The following PPIL4 variants were observed in gnomAD, a reference collection of about 807,000 sequenced individuals.
PPIL4 encodes the protein peptidylprolyl isomerase like 4.
Under a neutral mutation model 69.1 loss-of-function variants are expected in PPIL4, and 50 were observed. The observed-to-expected ratio is 0.72, with a 90% confidence interval of 0.58 to 0.92. The LOEUF is 0.92. Among genes scored for constraint, PPIL4 ranks in the 40% least tolerant of loss-of-function variants. The probability of loss-of-function intolerance (pLI) is 0.00; values close to 1 mark genes in which losing one functional copy is unlikely to be tolerated. For synonymous variants in PPIL4, 193 were observed against 191.6 expected (o/e 1.01, Z -0.06); for missense variants, 480 against 587.9 (o/e 0.82, Z 1.90).
chr6:149,534,419 C>T (rs1280536405), intron 6 of PPIL4, among the ~76,000 whole-genome samples: 1 of 152,154 alleles, frequency 6.6e-6, no homozygotes, highest in Non-Finnish European at 1.5e-5. Flanking sequence ...AAGAAAAACA[C>T]TTTCCCAAGG....
At chr6:149,531,664 T>C (rs925981793) in intron 7 of PPIL4, among the ~76,000 whole-genome samples, 4 of 152,058 alleles carry the variant, frequency 2.6e-5, no homozygotes, top group Non-Finnish European at 5.9e-5. Context: ...GAATATAAAC[T>C]GTAATTTCTT....
chr6:149,537,702 T>C (rs1023122135), intron 4 of PPIL4, among the ~76,000 whole-genome samples: 1 of 147,634 alleles, frequency 6.8e-6, no homozygotes, highest in Non-Finnish European at 1.5e-5. Context: ...CAAGACTCCA[T>C]CTCAAAAAAA....
intron 11 of PPIL4, among the ~76,000 whole-genome samples, chr6:149,514,298 G>A (rs753199375): frequency 2.6e-5 from 4 of 152,092 alleles, no homozygotes; most frequent in Non-Finnish European, 5.9e-5. Flanking sequence ...TCATCCTAAT[G>A]TGTGCTCTGC....
intron 8 of PPIL4, 96 bp from the exon 9 acceptor site, chr6:149,525,305 C>A: frequency 1.6e-6 from 1 of 621,312 alleles, no homozygotes; most frequent in Non-Finnish European, 2.9e-6. Flanking sequence ...AAGTCAGTTA[C>A]TACAAGGCAA....
At chr6:149,539,747 C>T (rs1030995797) in intron 4 of PPIL4, among the ~76,000 whole-genome samples, 8 of 152,278 alleles carry the variant, frequency 5.3e-5, no homozygotes, top group Non-Finnish European at 8.8e-5. Flanking sequence ...GATTAGTCAA[C>T]GGCCATCAAC....
At chr6:149,525,387 A>G (rs1297488273) in intron 8 of PPIL4, among the ~76,000 whole-genome samples, 178 bp from the exon 9 acceptor site, 2 of 152,232 alleles carry the variant, frequency 1.3e-5, no homozygotes, top group South Asian at 2.1e-4. Context: ...TCACCAGAGC[A>G]GTAACTAAAT....
chr6:149,541,835 C>T (rs1436477212), intron 1 of PPIL4, among the ~76,000 whole-genome samples: 1 of 151,910 alleles, frequency 6.6e-6, no homozygotes, highest in East Asian at 1.9e-4. Context: ...TATGGTGAAA[C>T]CCTGTCTCAA....
chr6:149,543,034 A>T (rs1319623024), intron 1 of PPIL4, among the ~76,000 whole-genome samples: 1 of 152,130 alleles, frequency 6.6e-6, no homozygotes, highest in Non-Finnish European at 1.5e-5. Flanking sequence ...AAAAATAATG[A>T]ATTTAGGCAA....
chr6:149,540,324 T>C (rs74495136), intron 4 of PPIL4, among the ~76,000 whole-genome samples: 5,049 of 151,376 alleles, frequency 0.033, 301 homozygotes, highest in African/African-American at 0.11. Context: ...AAGTAAGAAA[T>C]ACTGAAAAAC....
chr6:149,507,000 A>C (rs760050625), intron 12 of PPIL4, among the ~76,000 whole-genome samples: 5 of 152,092 alleles, frequency 3.3e-5, no homozygotes, highest in African/African-American at 7.2e-5. Flanking sequence ...ATTTAATTCT[A>C]CTCTTAGACC....
At chr6:149,525,603 A>G (rs1435380270) in intron 8 of PPIL4, among the ~76,000 whole-genome samples, 2 of 152,236 alleles carry the variant, frequency 1.3e-5, no homozygotes, top group African/African-American at 2.4e-5. Context: ...TAATGTATGC[A>G]TACTCATACA....
In PPIL4 at chr6:149,532,614, T is replaced by C. The variant is rs114187920; in HGVS notation, c.678+844A>G. The stretch of plus-strand genomic sequence containing the variant: ...CAGACAGTTGATGGTAATATAAACT[T>C]AAGCCTGGCCAACATAGGGAGATCC... On this transcript the variant is annotated intron_variant, in intron 7 of 12. Coordinates refer to ENST00000253329, the MANE Select transcript of PPIL4 (RefSeq NM_139126.4). Among the ~76,000 whole-genome samples the C allele has an allele frequency of 8.5e-3, 1,297 of 152,324 alleles. 18 individuals are homozygous for C. The highest frequency in any genetic ancestry group is 0.03 in the African/African-American group (1,229 of 41,580).
At chr6:149,530,635 G>A (rs764446567) in intron 7 of PPIL4, among the ~76,000 whole-genome samples, 2 of 150,294 alleles carry the variant, frequency 1.3e-5, no homozygotes, top group Non-Finnish European at 3.0e-5. Flanking sequence ...CTCCAGCCTG[G>A]GTGACAGAGC....
At chr6:149,541,248 A>G in intron 3 of PPIL4, 119 bp downstream of exon 3, 1 of 512,754 alleles carries the variant, frequency 2.0e-6, no homozygotes. Context: ...TGCAGATTGA[A>G]GCATGAGCAA....
At chr6:149,535,773 A>G (rs768883414) in intron 4 of PPIL4, 35 bp from the exon 5 acceptor site, 1 of 1,452,646 alleles carries the variant, frequency 6.9e-7, no homozygotes. Flanking sequence ...TACCATAAAA[A>G]TAATACATAA....
At chr6:149,517,193 G>C (rs1370032165) in intron 11 of PPIL4, 161 bp downstream of exon 11, 1 of 579,968 alleles carries the variant, frequency 1.7e-6, no homozygotes, top group East Asian at 3.2e-5. Context: ...GTAAGATCTT[G>C]AAAAGAGATA....
chr6:149,524,850 G>A (rs1341351493), intron 9 of PPIL4, among the ~76,000 whole-genome samples: 1 of 151,796 alleles, frequency 6.6e-6, no homozygotes, highest in African/African-American at 2.4e-5. Context: ...GCAGTGAGTC[G>A]AGACTGCGCC....
chr6:149,531,943 C>G (rs181470089), intron 7 of PPIL4, among the ~76,000 whole-genome samples: 1 of 152,348 alleles, frequency 6.6e-6, no homozygotes, highest in East Asian at 1.9e-4. Context: ...GCTGGGATTA[C>G]AGGCGTGAGC....
intron 9 of PPIL4, among the ~76,000 whole-genome samples, chr6:149,524,843 G>A (rs1001962461): frequency 6.6e-5 from 10 of 152,088 alleles, no homozygotes; most frequent in Non-Finnish European, 2.9e-5. Context: ...GGAGGCTGCA[G>A]TGAGTCGAGA....
Sources: allele counts gnomAD v4.1 joint callset (sites outside exome capture counted in the v4.1 genomes callset), GRCh38; gene constraint gnomAD v4.1.1; transcripts MANE v1.5; gene names NCBI Gene and HGNC (gene_info 2026-07-23, HGNC 2026-07-21).